The following RASSF2 variants were observed in gnomAD, a reference collection of about 807,000 sequenced individuals.
RASSF2 encodes ras association domain-containing protein 2.
A neutral mutation model predicts 46.3 loss-of-function variants in RASSF2; 34 were observed. The ratio of observed to expected loss-of-function variants is 0.73; its 90% CI spans 0.56 to 0.98. The LOEUF is 0.98. RASSF2 is among the 50% of genes least tolerant of loss of function. The pLI is 0.00. For missense variants in RASSF2, 364 were observed against 431.2 expected, an observed-to-expected ratio of 0.84 and a Z score of 1.38; for synonymous variants, 158 against 162.5, an observed-to-expected ratio of 0.97 and a Z score of 0.21.
chr20:4,786,370 C>T, intron 10 of RASSF2, 42 bp from the exon 11 acceptor site: 1 of 1,441,244 alleles, frequency 6.9e-7, no homozygotes, highest in Non-Finnish European at 9.8e-7. Context: ...CCCTTCCCAG[C>T]ATTATTCCAA....
rs1412158571 is a variant in RASSF2, at chr20:4,812,331, C to T, written c.-33+9998G>A. Among the ~76,000 whole-genome samples, 1 of 152,176 alleles carries T rather than the reference C, an allele frequency of 6.6e-6. No individual in the cohort carries two copies. Among genetic ancestry groups the T allele is most frequent in the Non-Finnish European group, 1.5e-5 (1 of 68,038 alleles). ...AAGAAACTTTATTATCCTCATTTTG[C>T]AGTTGAACAGTTGAGGCACAAAGAA... On this transcript the variant is annotated intron_variant, in intron 2 of 11. Transcript: ENST00000379400. This position sits in a 1 kb window ranked among gnomAD's most constrained non-coding sequence, Gnocchi z 4.0.
intron 3 of RASSF2, among the ~76,000 whole-genome samples, chr20:4,798,551 G>T (rs939771082): frequency 1.3e-5 from 2 of 152,124 alleles, no homozygotes; most frequent in Non-Finnish European, 2.9e-5. Flanking sequence ...CTGGCTGCGC[G>T]CAGTGGCTCA....
intron 6 of RASSF2, among the ~76,000 whole-genome samples, chr20:4,792,217 T>C (rs982449512): frequency 1.6e-5 from 2 of 123,250 alleles, no homozygotes; most frequent in Admixed American, 1.1e-4. Context: ...TGCATCCTCC[T>C]GAGTGACAGA....
intron 4 of RASSF2, 69 bp from the exon 5 acceptor site, chr20:4,796,035 A>T (rs1238177108): frequency 1.1e-5 from 16 of 1,430,054 alleles, no homozygotes; most frequent in Non-Finnish European, 1.4e-5. Context: ...ATGCTGAGGG[A>T]CAAATGACAC....
In RASSF2 at chr20:4,781,919, A is replaced by G. The variant is rs936629898; in HGVS notation, c.*2354T>C. 2.0e-5 allele frequency: 3 copies of G among 152,232 alleles called. No individual in the cohort carries two copies. The highest frequency in any genetic ancestry group is 7.2e-5 in the African/African-American group (3 of 41,460). 9.4% of individuals were successfully genotyped at this position (152,232 alleles called of 1,614,324 possible). On this transcript the variant is annotated 3_prime_UTR_variant, in exon 12 of 12. Transcript: ENST00000379400. ...AAGTGTCTCTGTTTCAACTGCTGCTATTTCAAAGAACCCTTCCAAAATTTC... is the reference window on the plus strand; with the variant it reads ...AAGTGTCTCTGTTTCAACTGCTGCTGTTTCAAAGAACCCTTCCAAAATTTC...
intron 2 of RASSF2, among the ~76,000 whole-genome samples, chr20:4,809,609 G>A (rs528471814): frequency 6.6e-6 from 1 of 152,284 alleles, no homozygotes; most frequent in East Asian, 1.9e-4. Context: ...CATGATTACT[G>A]CTTCCAGGAA....
chr20:4,812,199 T>A lies in RASSF2; in HGVS notation c.-33+10130A>T, dbSNP rs1382514449. Among the ~76,000 whole-genome samples the A allele has an allele frequency of 6.6e-6, 1 of 152,218 alleles. No individual in the cohort carries two copies. The highest frequency in any genetic ancestry group is 2.4e-5 in the African/African-American group (1 of 41,460). ...TCCTGGGCATGGGCAAAATGTGGGCTGCCTCGGAAGGAAATGGCATACTCT... is the reference window on the plus strand; with the variant it reads ...TCCTGGGCATGGGCAAAATGTGGGCAGCCTCGGAAGGAAATGGCATACTCT... On this transcript the variant is annotated intron_variant, in intron 2 of 11. Coordinates refer to ENST00000379400, the MANE Select transcript of RASSF2 (RefSeq NM_014737.3). This position sits in a 1 kb window ranked among gnomAD's most constrained non-coding sequence, Gnocchi z 4.0.
intron 11 of RASSF2, 105 bp from the exon 12 acceptor site, chr20:4,784,447 G>T: frequency 2.0e-6 from 2 of 996,688 alleles, no homozygotes; most frequent in Non-Finnish European, 1.6e-6. Context: ...AGGTAACAGT[G>T]CAGTCAAGTG....
In RASSF2 at chr20:4,795,924, A is replaced by G. The variant is rs761066545; in HGVS notation, c.178T>C (p.Trp60Arg). 7.0e-6 allele frequency: 11 copies of G among 1,579,606 alleles called. No homozygotes were observed. Among genetic ancestry groups the G allele is most frequent in the Admixed American group, 1.8e-5 (1 of 56,776 alleles). ...FIVEGLLNIS[W>R]GLRRPIRLQM... ...AGGCGAATGGGCCGGCGCAGGCCCC[A>G]GGAGATGTTCAGGAGCCCCTCCACA... The change falls in exon 5 of 12, where the codon TGG becomes CGG. Residue 60 changes from tryptophan to arginine, a missense_variant. By Grantham distance (101) the Trp-to-Arg change is moderately radical. Transcript: ENST00000379400. This position sits in a 1 kb window ranked among gnomAD's most constrained non-coding sequence, Gnocchi z 4.0.
intron 2 of RASSF2, among the ~76,000 whole-genome samples, chr20:4,821,958 G>C (rs1928719508): frequency 6.6e-6 from 1 of 152,238 alleles, no homozygotes; most frequent in Admixed American, 6.5e-5. Flanking sequence ...GTCACACTGT[G>C]TCCCTGGGAC....
At chr20:4,802,993 C>T (rs1454097896) in intron 2 of RASSF2, among the ~76,000 whole-genome samples, 2 of 150,880 alleles carry the variant, frequency 1.3e-5, no homozygotes, top group South Asian at 4.2e-4. Flanking sequence ...ACTGCAGCCT[C>T]GACTTTCCCA....
Position 4,790,673 on chromosome 20 carries a change from C to A in RASSF2, c.377-62G>T. 2.2e-6 allele frequency: 3 copies of A among 1,393,140 alleles called. No homozygotes were observed. The highest frequency in any genetic ancestry group is 1.5e-5 in the South Asian group (1 of 66,510). The allele number at this position is 1,393,140 out of a possible 1,614,324, so 86.3% of individuals were successfully genotyped here. A position where few individuals can be genotyped will look rare whatever the true frequency, so the allele number is the denominator to read the frequency against. The stretch of plus-strand genomic sequence containing the variant: ...GACCTGGGACATGGCACATGGTCCC[C>A]AATTTGTGGCCAGTGCGACAGCACC... On this transcript the variant is annotated intron_variant, in intron 6 of 11. Transcript: ENST00000379400. This position sits in a 1 kb window ranked among gnomAD's most constrained non-coding sequence, Gnocchi z 4.3.
chr20:4,794,564 C>T (rs761654333), intron 5 of RASSF2, among the ~76,000 whole-genome samples: 5 of 151,626 alleles, frequency 3.3e-5, no homozygotes, highest in South Asian at 2.1e-4. Context: ...AAAAAAAGGT[C>T]GGGGTGGGGC....
intron 2 of RASSF2, among the ~76,000 whole-genome samples, chr20:4,810,688 T>C (rs545603812): frequency 6.6e-6 from 1 of 152,264 alleles, no homozygotes; most frequent in African/African-American, 2.4e-5. Flanking sequence ...GTCACTTTTG[T>C]TTTTTGTTTC....
chr20:4,789,714 C>T lies in RASSF2; in HGVS notation c.538-17G>A. On this transcript the variant is annotated splice_polypyrimidine_tract_variant and intron_variant, in intron 7 of 11. Transcript: ENST00000379400. ...CACGGATGTCTGTCAATAGAAGGGC[C>T]CAGCTCAGGGTGGGAGTGGGAACAA... The T allele has an allele frequency of 9.3e-6, 15 of 1,609,234 alleles. No individual in the cohort carries two copies. The highest frequency in any genetic ancestry group is 1.1e-5 in the Non-Finnish European group (13 of 1,175,886).
At chr20:4,792,283 G>C (rs993046010) in intron 6 of RASSF2, among the ~76,000 whole-genome samples, 1 of 127,568 alleles carries the variant, frequency 7.8e-6, no homozygotes, top group Non-Finnish European at 1.7e-5. Context: ...GAGGGGAGGG[G>C]AGGGGGAAAG....
intron 6 of RASSF2, among the ~76,000 whole-genome samples, chr20:4,791,220 G>T (rs1925847688): frequency 6.6e-6 from 1 of 152,192 alleles, no homozygotes; most frequent in Non-Finnish European, 1.5e-5. Context: ...TACAGAGACA[G>T]AGAGTAGAAT....
chr20:4,813,490 A>T (rs1377209628), intron 2 of RASSF2, among the ~76,000 whole-genome samples: 1 of 152,216 alleles, frequency 6.6e-6, no homozygotes, highest in Non-Finnish European at 1.5e-5. Context: ...GAGGGTGGCC[A>T]GGTGAGTGAC....
intron 2 of RASSF2, among the ~76,000 whole-genome samples, chr20:4,809,267 G>A (rs568268475): frequency 0.012 from 1,759 of 152,268 alleles, 96 homozygotes; most frequent in East Asian, 0.11. Flanking sequence ...TCTTTTCAAA[G>A]GGAAGGTCCT....
Sources: allele counts gnomAD v4.1 joint callset (sites outside exome capture counted in the v4.1 genomes callset), GRCh38; gene constraint gnomAD v4.1.1; non-coding constraint Gnocchi (gnomAD v3.1); transcripts MANE v1.5; gene names NCBI Gene and HGNC (gene_info 2026-07-23, HGNC 2026-07-21).